Variants in GET3 observed in about 807,000 individuals in gnomAD.
GET3 encodes ATPase GET3.
GET3 carries 15 observed loss-of-function variants against 32.4 expected under a neutral mutation model. The ratio of observed to expected loss-of-function variants is 0.46; its 90% CI spans 0.31 to 0.71. The LOEUF (loss-of-function observed/expected upper bound fraction) is 0.71. Ranked by LOEUF, GET3 falls within the 30% of genes least tolerant of loss-of-function variation. The probability of loss-of-function intolerance (pLI) is 0.05; values close to 1 mark genes in which losing one functional copy is unlikely to be tolerated. For synonymous variants in GET3, 198 were observed against 185.6 expected, an observed-to-expected ratio of 1.07 and a Z score of -0.54; for missense variants, 333 against 459.0, an observed-to-expected ratio of 0.73 and a Z score of 2.51.
chr19:12,745,372 C>T lies in GET3; in HGVS notation c.310-5C>T. ...CAACCTCAGTCTCATCCCTTTGGCC[C>T]CCAGGAGATTGACCCCAGCCTGGGC... is the stretch of plus-strand genomic sequence containing the variant. On this transcript the variant is annotated splice_polypyrimidine_tract_variant and splice_region_variant and intron_variant, in intron 2 of 6. Transcript: ENST00000357332. The surrounding 1 kb of genome is among the most constrained non-coding windows in gnomAD (Gnocchi z 5.0). 6.2e-7 allele frequency: 1 copy of T among 1,608,478 alleles called. No individual in the cohort carries two copies. Among genetic ancestry groups the T allele is most frequent in the South Asian group, 1.1e-5 (1 of 91,060 alleles).
rs773484559 is a variant in GET3, at chr19:12,747,620, A to G, written c.915+28A>G. The G allele has an allele frequency of 3.1e-6, 5 of 1,605,038 alleles. No homozygotes were observed. The South Asian group carries it at 5.5e-5, about 18-fold the overall frequency. ...GTGCCCACCCACCCAGCACTGGCTCAGCAGAGGCACCTCTGCCCCTTTATT... is the reference window on the plus strand; with the variant it reads ...GTGCCCACCCACCCAGCACTGGCTCGGCAGAGGCACCTCTGCCCCTTTATT... On this transcript the variant is annotated intron_variant, in intron 6 of 6. Transcript: ENST00000357332. The surrounding 1 kb of genome is among the most constrained non-coding windows in gnomAD (Gnocchi z 4.0).
At chr19:12,743,967 G>T (rs1371552644) in intron 2 of GET3, among the ~76,000 whole-genome samples, 1 of 146,334 alleles carries the variant, frequency 6.8e-6, no homozygotes, top group Non-Finnish European at 1.5e-5. Context: ...CTAACCTCAG[G>T]TGATCTGCCT....
In GET3 at chr19:12,747,049, G is replaced by A. The variant is rs1201260519; in HGVS notation, c.610-148G>A. On this transcript the variant is annotated intron_variant, in intron 4 of 6. Coordinates refer to ENST00000357332, the MANE Select transcript of GET3 (RefSeq NM_004317.4). The surrounding 1 kb of genome is among the most constrained non-coding windows in gnomAD (Gnocchi z 4.0). ...AAGAAAGAAAGAAATGGAAAAGCTA[G>A]TATTTGACCAACCCCAGGAATCTGC... is the stretch of plus-strand genomic sequence containing the variant. 16 of 521,528 alleles carry A rather than the reference G, an allele frequency of 3.1e-5. No individual in the cohort carries two copies. In the East Asian group the frequency reaches 5.1e-4, roughly 17 times the overall value. The allele number at this position is 521,528 out of a possible 1,614,324, so 32.3% of individuals were successfully genotyped here. A position where few individuals can be genotyped will look rare whatever the true frequency, so the allele number is the denominator to read the frequency against.
intron 2 of GET3, among the ~76,000 whole-genome samples, chr19:12,741,304 AAGTT>A (rs1967664085): frequency 6.6e-6 from 1 of 151,812 alleles, no homozygotes; most frequent in Middle Eastern, 3.2e-3. Flanking sequence ...AAAATACAAA[AAGTT>A]AGCCGGGCGT....
At chr19:12,746,249 C>G (rs1967768884) in intron 4 of GET3, among the ~76,000 whole-genome samples, 1 of 152,208 alleles carries the variant, frequency 6.6e-6, no homozygotes, top group South Asian at 2.1e-4. Context: ...TCTCGTGCCT[C>G]TACCTCCCAA....
At chr19:12,739,213 G>A (rs1321061157) in intron 2 of GET3, among the ~76,000 whole-genome samples, 1 of 151,926 alleles carries the variant, frequency 6.6e-6, no homozygotes, top group Non-Finnish European at 1.5e-5. Flanking sequence ...TGTCTCCCAG[G>A]CTGGAGTGCA....
chr19:12,740,448 G>A (rs1028399971), intron 2 of GET3, among the ~76,000 whole-genome samples: 2 of 151,664 alleles, frequency 1.3e-5, no homozygotes, highest in Non-Finnish European at 2.9e-5. Context: ...AGGCTGAGGC[G>A]GGCAGATCAC....
rs202091838 is a variant in GET3, at chr19:12,737,519, T to C, written c.14T>C (p.Val5Ala). ...GCCAGTTCCAAAATGGCGGCAGGGG[T>C]GGCCGGGTGGGGGGTTGAGGCAGAG... MAAG[V>A]AGWGVEAEEF... The change falls in exon 1 of 7, where the codon GTG (valine) becomes GCG (alanine). Residue 5 changes from valine to alanine, a missense_variant. By Grantham distance (64) the Val-to-Ala change is moderately conservative. Transcript: ENST00000357332. 2.6e-6 allele frequency: 4 copies of C among 1,550,510 alleles called. No homozygotes were observed. Among genetic ancestry groups the C allele is most frequent in the Non-Finnish European group, 2.6e-6 (3 of 1,150,612 alleles).
chr19:12,747,483 A>G lies in GET3; in HGVS notation c.806A>G (p.Lys269Arg). Reference sequence around the variant, plus strand: ...CTGATCCAGGAGCTGGCCAAGTGCAAGATTGACACACACAATATAATTGTC... The same window carrying G: ...CTGATCCAGGAGCTGGCCAAGTGCAGGATTGACACACACAATATAATTGTC... ...ERLIQELAKC[K>R]IDTHNIIVNQ... is the part of the protein sequence containing the mutation. The change falls in exon 6 of 7, where the codon AAG (lysine) becomes AGG (arginine). Residue 269 changes from lysine to arginine, a missense_variant. Coordinates refer to ENST00000357332, the MANE Select transcript of GET3 (RefSeq NM_004317.4). The surrounding 1 kb of genome is among the most constrained non-coding windows in gnomAD (Gnocchi z 4.0). 1 of 1,614,066 alleles carries G rather than the reference A, an allele frequency of 6.2e-7. No homozygotes were observed. The highest frequency in any genetic ancestry group is 8.5e-7 in the Non-Finnish European group (1 of 1,180,016).
Position 12,747,590 on chromosome 19 carries a change from CA to C in GET3, c.914del (p.Gln305ArgfsTer12). ...CAAGATCCAGGCCAAGTATCTGGAC[CA>C]GGTGTGCCCACCCACCCAGCACTGG... ...RHKIQAKYLDQMEDLYEDFHI... is the reference protein window; with the variant it reads ...RHKIQAKYLDXMEDLYEDFHI... On this transcript the variant is annotated frameshift_variant and splice_region_variant, in exon 6 of 7. Transcript: ENST00000357332. LOFTEE classifies it high-confidence loss of function. This position sits in a 1 kb window ranked among gnomAD's most constrained non-coding sequence, Gnocchi z 4.0. The C allele has an allele frequency of 6.2e-7, 1 of 1,612,678 alleles. No homozygotes were observed.
At position 12,747,963 on chromosome 19, in the gene GET3, C is replaced by A; in HGVS notation, c.916-10C>A. On this transcript the variant is annotated splice_polypyrimidine_tract_variant and intron_variant, in intron 6 of 6. Transcript: ENST00000357332. The surrounding 1 kb of genome is among the most constrained non-coding windows in gnomAD (Gnocchi z 4.0). The stretch of plus-strand genomic sequence containing the variant: ...TGACCACTGCCTTCTACCCTCTGCC[C>A]TGGCTGCAGATGGAGGACCTGTATG... 6.3e-7 allele frequency: 1 copy of A among 1,589,040 alleles called. No homozygotes were observed. Among genetic ancestry groups the A allele is most frequent in the South Asian group, 1.1e-5 (1 of 88,070 alleles).
At chr19:12,740,228 A>G (rs1389066822) in intron 2 of GET3, among the ~76,000 whole-genome samples, 1 of 149,460 alleles carries the variant, frequency 6.7e-6, no homozygotes, top group Non-Finnish European at 1.5e-5. Flanking sequence ...TAAAAATACA[A>G]AAAATAGCTG....
rs1261436784 is a variant in GET3 at position 12,747,938 on chromosome 19, T to C, written c.916-35T>C. 6.4e-7 allele frequency: 1 copy of C among 1,556,930 alleles called. No individual in the cohort carries two copies. Among genetic ancestry groups the C allele is most frequent in the Admixed American group, 1.9e-5 (1 of 53,978 alleles). The stretch of plus-strand genomic sequence containing the variant: ...ACTCTGTCTCTGCCTTCCTGCCCCC[T>C]GACCACTGCCTTCTACCCTCTGCCC... On this transcript the variant is annotated intron_variant, in intron 6 of 6. Coordinates refer to ENST00000357332, the MANE Select transcript of GET3 (RefSeq NM_004317.4). The surrounding 1 kb of genome is among the most constrained non-coding windows in gnomAD (Gnocchi z 4.0).
intron 4 of GET3, among the ~76,000 whole-genome samples, chr19:12,746,825 A>C (rs1226622335): frequency 2.0e-5 from 3 of 151,906 alleles, no homozygotes; most frequent in Non-Finnish European, 4.4e-5. Flanking sequence ...GCCTGGCCAA[A>C]ATGGTGAAAC....
Position 12,745,670 on chromosome 19 carries a change from C to G in GET3, c.520C>G (p.Leu174Val), listed in dbSNP as rs1967758692. The G allele has an allele frequency of 6.2e-7, 1 of 1,612,970 alleles. No homozygotes were observed. Among genetic ancestry groups the G allele is most frequent in the African/African-American group, 1.3e-5 (1 of 74,874 alleles). ...TGACACGGCACCCACGGGCCACACC[C>G]TGAGGCTGCTCAACTTCCCCACCAT... ...VFDTAPTGHT[L>V]RLLNFPTIVE... The change falls in exon 4 of 7, where the codon CTG becomes GTG. Residue 174 changes from leucine (L) to valine (V), a missense_variant. Physicochemically the swap from Leu to Val is conservative, Grantham distance 32. Coordinates refer to ENST00000357332, the MANE Select transcript of GET3 (RefSeq NM_004317.4). The surrounding 1 kb of genome is among the most constrained non-coding windows in gnomAD (Gnocchi z 5.0).
Position 12,745,606 on chromosome 19 carries a change from C to T in GET3, c.459-3C>T, listed in dbSNP as rs374714389. On this transcript the variant is annotated splice_polypyrimidine_tract_variant and splice_region_variant and intron_variant, in intron 3 of 6. Transcript: ENST00000357332. This position sits in a 1 kb window ranked among gnomAD's most constrained non-coding sequence, Gnocchi z 5.0. ...AGAGGGCCTGACCCCTGTCTCCCCT[C>T]AGGCTGGTGAAGGGCATGAACTTCT... The T allele has an allele frequency of 1.9e-6, 3 of 1,612,618 alleles. No homozygotes were observed. Among genetic ancestry groups the T allele is most frequent in the African/African-American group, 2.7e-5 (2 of 74,820 alleles).
intron 2 of GET3, among the ~76,000 whole-genome samples, chr19:12,744,283 A>G (rs2145691729): frequency 6.7e-6 from 1 of 150,336 alleles, no homozygotes; most frequent in South Asian, 2.1e-4. Flanking sequence ...AGCCATGGCC[A>G]TCCCTTCATA....
intron 2 of GET3, among the ~76,000 whole-genome samples, chr19:12,743,331 GC>G (rs1268166204): frequency 1.3e-5 from 2 of 151,816 alleles, no homozygotes; most frequent in Non-Finnish European, 2.9e-5. Flanking sequence ...TACAAAATTA[GC>G]TGGGGTGGTG....
chr19:12,740,017 A>G (rs1297072020), intron 2 of GET3, among the ~76,000 whole-genome samples: 1 of 151,902 alleles, frequency 6.6e-6, no homozygotes, highest in Non-Finnish European at 1.5e-5. Context: ...TGCTGGGATT[A>G]CAGGTGCCTA....
Sources: allele counts gnomAD v4.1 joint callset (sites outside exome capture counted in the v4.1 genomes callset), GRCh38; gene constraint gnomAD v4.1.1; non-coding constraint Gnocchi (gnomAD v3.1); transcripts MANE v1.5; gene names NCBI Gene and HGNC (gene_info 2026-07-23, HGNC 2026-07-21).